The following DAAM2 variants were observed in gnomAD, a reference collection of about 807,000 sequenced individuals.
DAAM2 encodes dishevelled associated activator of morphogenesis 2.
In DAAM2, 39 loss-of-function variants were observed where a neutral mutation model predicts 120.7. The ratio of observed to expected loss-of-function variants is 0.32; its 90% confidence interval spans 0.25 to 0.42. The LOEUF (loss-of-function observed/expected upper bound fraction) is 0.42. Ranked by LOEUF, DAAM2 falls within the 10% of genes least tolerant of loss-of-function variation. DAAM2 has a pLI of 1.00. For synonymous variants in DAAM2, 488 were observed against 524.9 expected (o/e 0.93, Z 0.96); for missense variants, 1,283 against 1,401.7 (o/e 0.92, Z 1.35).
rs950080631 is a variant in DAAM2, at chr6:39,845,084, C to T, written c.-56-11163C>T. On this transcript the variant is annotated intron_variant, in intron 1 of 24. Transcript: ENST00000274867. Reference sequence around the variant, plus strand: ...TACACCCTTACCACACATACATATACAACACATATATACCATACACACATA... The same window carrying T: ...TACACCCTTACCACACATACATATATAACACATATATACCATACACACATA... 1.9e-4 allele frequency among the ~76,000 whole-genome samples: 28 copies of T among 149,082 alleles called. 1 individual carries two copies. Among genetic ancestry groups the T allele is most frequent in the Middle Eastern group, 7.0e-3 (2 of 286 alleles).
chr6:39,810,770 T>A (rs774624707), intron 1 of DAAM2, among the ~76,000 whole-genome samples: 1 of 152,198 alleles, frequency 6.6e-6, no homozygotes, highest in Non-Finnish European at 1.5e-5. Flanking sequence ...CCCTGCCTTT[T>A]CCTATTTCCT....
chr6:39,856,005 C>T, intron 1 of DAAM2: 2 of 983,120 alleles, frequency 2.0e-6, no homozygotes, highest in Non-Finnish European at 2.4e-6. Flanking sequence ...ATGAAAGTGT[C>T]TTGGCAGATA....
chr6:39,804,499 T>C (rs1436716193), intron 1 of DAAM2, among the ~76,000 whole-genome samples: 1 of 151,316 alleles, frequency 6.6e-6, no homozygotes, highest in African/African-American at 2.4e-5. Flanking sequence ...CCTATTGCAC[T>C]GGTCCAGAAA....
chr6:39,845,792 TTCCTAG>T (rs900710061), intron 1 of DAAM2, among the ~76,000 whole-genome samples: 2 of 151,986 alleles, frequency 1.3e-5, no homozygotes, highest in Non-Finnish European at 2.9e-5. Context: ...ACAGCTCCCA[TTCCTAG>T]TCCTCTTTGC....
intron 21 of DAAM2, 154 bp downstream of exon 21, chr6:39,897,436 C>G: frequency 1.7e-6 from 1 of 596,430 alleles, no homozygotes; most frequent in South Asian, 2.0e-5. Context: ...AGACACACAG[C>G]AAAGGGGGTT....
At position 39,901,748 on chromosome 6, in the gene DAAM2, G is replaced by A. The variant is rs1766498473; in HGVS notation, c.2983-65G>A. ...TGGCCTAGGAGTTAGCCCAGGGTTG[G>A]GGGGCTGCCCTGGCCTCAGCGCCTC... On this transcript the variant is annotated intron_variant, in intron 24 of 24. Transcript: ENST00000274867. The surrounding 1 kb of genome is among the most constrained non-coding windows in gnomAD (Gnocchi z 4.5). The A allele has an allele frequency of 7.1e-7, 1 of 1,401,526 alleles. No homozygotes were observed. Among genetic ancestry groups the A allele is most frequent in the East Asian group, 2.4e-5 (1 of 41,528 alleles). The allele number at this position is 1,401,526 out of a possible 1,614,324, so 86.8% of individuals were successfully genotyped here.
intron 11 of DAAM2, 67 bp downstream of exon 11, chr6:39,875,535 A>G: frequency 6.5e-7 from 1 of 1,546,694 alleles, no homozygotes; most frequent in Non-Finnish European, 8.8e-7. Flanking sequence ...CTCTGGTCTC[A>G]CCAGCGAAAC....
chr6:39,895,776 C>A lies in DAAM2; in HGVS notation c.2342-1036C>A, dbSNP rs554923114. Among the ~76,000 whole-genome samples the A allele has an allele frequency of 3.3e-5, 5 of 152,276 alleles. No individual in the cohort carries two copies. The South Asian group carries it at 8.3e-4, about 25-fold the overall frequency. On this transcript the variant is annotated intron_variant, in intron 19 of 24. Coordinates refer to ENST00000274867, the MANE Select transcript of DAAM2 (RefSeq NM_001201427.2). ...TAAAGACATCATAGCTGAGGAAGGG[C>A]CAGAGCATACACAGCAGAATGAATT...
intron 3 of DAAM2, among the ~76,000 whole-genome samples, chr6:39,864,135 G>A (rs1764321386): frequency 6.6e-6 from 1 of 152,242 alleles, no homozygotes; most frequent in Admixed American, 6.5e-5. Context: ...AATACAAGCT[G>A]AGCAAACAGA....
At chr6:39,831,259 G>A (rs1223144922) in intron 1 of DAAM2, among the ~76,000 whole-genome samples, 1 of 152,138 alleles carries the variant, frequency 6.6e-6, no homozygotes, top group African/African-American at 2.4e-5. Context: ...GTGGTGGTAA[G>A]TCTACGTGGA....
chr6:39,800,546 G>A (rs1761831017), intron 1 of DAAM2, among the ~76,000 whole-genome samples: 1 of 152,218 alleles, frequency 6.6e-6, no homozygotes. Context: ...TCCCTGTGTA[G>A]TGGACACTGG....
At chr6:39,803,422 T>G (rs758381167) in intron 1 of DAAM2, among the ~76,000 whole-genome samples, 4 of 152,210 alleles carry the variant, frequency 2.6e-5, no homozygotes, top group Non-Finnish European at 4.4e-5. Flanking sequence ...CTAGAAAGTC[T>G]GCTGGGGTAG....
chr6:39,831,892 G>A (rs9380900), intron 1 of DAAM2, among the ~76,000 whole-genome samples: 4,293 of 108,954 alleles, frequency 0.039, 312 homozygotes, highest in East Asian at 0.17. Flanking sequence ...GAGGGGGCAG[G>A]TGCACTGGGG....
At chr6:39,803,291 A>G (rs1280710845) in intron 1 of DAAM2, among the ~76,000 whole-genome samples, 2 of 152,210 alleles carry the variant, frequency 1.3e-5, no homozygotes, top group African/African-American at 4.8e-5. Context: ...CATGTTTTGC[A>G]TATTCTTGAC....
Position 39,878,545 on chromosome 6 carries a change from G to T in DAAM2, c.1502G>T (p.Arg501Leu). ...GAGTCCCAGGAGCTGCGCCAGGCTC[G>T]GGGACAAGTGGCAGAGCTGGTAGCC... ...ARESQELRQA[R>L]GQVAELVAQL... Residue 501 changes from arginine to leucine, a missense_variant, in exon 13 of 25, where the codon CGG (arginine) becomes CTG (leucine). Transcript: ENST00000274867. The surrounding 1 kb of genome is among the most constrained non-coding windows in gnomAD (Gnocchi z 5.0). The T allele has an allele frequency of 6.2e-7, 1 of 1,609,344 alleles. No homozygotes were observed. The highest frequency in any genetic ancestry group is 8.5e-7 in the Non-Finnish European group (1 of 1,177,956).
At chr6:39,867,240 T>C (rs1195493283) in intron 5 of DAAM2, 5 of 445,030 alleles carry the variant, frequency 1.1e-5, no homozygotes, top group African/African-American at 7.9e-5. Flanking sequence ...ATAATTATCA[T>C]GATCATGTGA....
rs746518977 is a variant in DAAM2, at chr6:39,883,979, C to T, written c.1863C>T (p.Thr621=). 62 of 1,612,728 alleles carry T rather than the reference C, an allele frequency of 3.8e-5. No homozygotes were observed. The highest frequency in any genetic ancestry group is 5.0e-5 in the Non-Finnish European group (59 of 1,178,994). ...AATTTTAGGAGCGTGTCCCTGGCAC[C>T]GTATGGAATGAGATTGATGACATGC... The part of the protein sequence containing the change: ...VKLNEERVPG[T]VWNEIDDMQV... Residue 621 remains threonine, a synonymous_variant, in exon 15 of 25, where the codon ACC becomes ACT. Transcript: ENST00000274867.
intron 1 of DAAM2, among the ~76,000 whole-genome samples, chr6:39,853,821 T>G (rs578242504): frequency 6.6e-6 from 1 of 152,200 alleles, no homozygotes; most frequent in Non-Finnish European, 1.5e-5. Context: ...CAGTCTTGCT[T>G]GCCAGCTGCA....
At chr6:39,896,267 A>G (rs1401475873) in intron 19 of DAAM2, among the ~76,000 whole-genome samples, 9 of 151,738 alleles carry the variant, frequency 5.9e-5, no homozygotes, top group African/African-American at 2.2e-4. Context: ...CAGTGAGGCA[A>G]TCTTGGCTCA....
Sources: gnomAD v4.1 joint callset for allele counts (sites outside exome capture counted in the v4.1 genomes callset) on GRCh38, gnomAD v4.1.1 for gene constraint, Gnocchi (gnomAD v3.1) non-coding constraint, MANE v1.5 for transcripts, NCBI Gene and HGNC (gene_info 2026-07-23, HGNC 2026-07-21) for gene names.